Variants in GFAP observed in about 807,000 individuals in gnomAD.
GFAP encodes intermediate filament protein.
In GFAP, 38 loss-of-function variants were observed where a neutral mutation model predicts 49.3. The observed-to-expected ratio is 0.77, with a 90% CI of 0.60 to 1.01. The LOEUF (loss-of-function observed/expected upper bound fraction) is 1.01. GFAP is among the 50% of genes least tolerant of loss of function. The pLI is 0.00. For missense variants in GFAP, 463 were observed against 579.1 expected, an observed-to-expected ratio of 0.80 and a Z score of 2.06; for synonymous variants, 222 against 236.4, an observed-to-expected ratio of 0.94 and a Z score of 0.56.
rs774900945 is a variant in GFAP at position 44,904,953 on chromosome 17, G to A, written c.*2394C>T. On this transcript the variant is annotated 3_prime_UTR_variant, in exon 9 of 9. Coordinates refer to ENST00000588735, the MANE Select transcript of GFAP (RefSeq NM_002055.5). ...GCCTCGTTCTCAGATCCTGAGACTC[G>A]CTCGGCTGTGGAGCTCACCCTGATA... The A allele has an allele frequency of 5.2e-6, 8 of 1,550,496 alleles. No individual in the cohort carries two copies. The African/African-American group carries it at 5.5e-5, about 11-fold the overall frequency.
At chr17:44,911,822 GC>G (rs1259216706) in intron 4 of GFAP, 25 bp from the exon 5 acceptor site, 1 of 1,605,358 alleles carries the variant, frequency 6.2e-7, no homozygotes. Context: ...CATATGGGGG[GC>G]TGTGTGGGCC....
chr17:44,911,268 G>A lies in GFAP; in HGVS notation c.1095C>T (p.Thr365=). The change falls in exon 6 of 9, where the codon ACC becomes ACT. Residue 365 remains threonine, a synonymous_variant. Transcript: ENST00000588735. ...CCTCGCCCTCTAGCAGCTTCCTGTA[G>A]GTGGCGATCTCGATGTCCAGGGCCA... ...VKLALDIEIA[T]YRKLLEGEEN... is the part of the protein sequence containing the mutation. The A allele has an allele frequency of 6.2e-7, 1 of 1,614,202 alleles. No homozygotes were observed. Among genetic ancestry groups the A allele is most frequent in the Non-Finnish European group, 8.5e-7 (1 of 1,180,036 alleles).
In GFAP at chr17:44,903,600, C is replaced by A; in HGVS notation, c.*3747G>T. ...AAGGCCAGGTTCTAGAATGGCTTTC[C>A]CCCCCCACCCTGAGATCAGGTCTGG... On this transcript the variant is annotated 3_prime_UTR_variant, in exon 9 of 9. Transcript: ENST00000588735. 1 of 1,401,878 alleles carries A rather than the reference C, an allele frequency of 7.1e-7. No homozygotes were observed. Among genetic ancestry groups the A allele is most frequent in the Non-Finnish European group, 9.2e-7 (1 of 1,084,834 alleles). 86.8% of individuals were successfully genotyped at this position (1,401,878 alleles called of 1,614,324 possible).
rs1000769044 is a variant in GFAP at position 44,906,588 on chromosome 17, G to A, written c.*759C>T. The A allele has an allele frequency of 2.0e-5, 3 of 152,674 alleles. No homozygotes were observed. Among genetic ancestry groups the A allele is most frequent in the African/African-American group, 4.8e-5 (2 of 41,464 alleles). The allele number at this position is 152,674 out of a possible 1,614,324, so 9.5% of individuals were successfully genotyped here. On this transcript the variant is annotated 3_prime_UTR_variant, in exon 9 of 9. Coordinates refer to ENST00000588735, the MANE Select transcript of GFAP (RefSeq NM_002055.5). The stretch of plus-strand genomic sequence containing the variant: ...CCCTGGATGGCAGCTCAGGTGGACT[G>A]AGACACTTGAGTCATCGCTCAGGAG...
chr17:44,911,416 C>A lies in GFAP; in HGVS notation c.947G>T (p.Arg316Leu), dbSNP rs140004406. ...LERQMREQEE[R>L]HVREAASYQE... The stretch of plus-strand genomic sequence containing the variant: ...ATAACTGGCCGCCTCCCGCACGTGC[C>A]GCTCCTCCTGCTCGCGCATCTGCCT... The change falls in exon 6 of 9, where the codon CGG becomes CTG. Residue 316 changes from arginine (R) to leucine (L), a missense_variant. Physicochemically the swap from Arg to Leu is moderately radical, Grantham distance 102. Transcript: ENST00000588735. 1 of 1,612,434 alleles carries A rather than the reference C, an allele frequency of 6.2e-7. No individual in the cohort carries two copies. The highest frequency in any genetic ancestry group is 1.3e-5 in the African/African-American group (1 of 74,918).
In GFAP at chr17:44,904,200, T is replaced by A; in HGVS notation, c.*3147A>T. 1 of 1,550,606 alleles carries A rather than the reference T, an allele frequency of 6.4e-7. No individual in the cohort carries two copies. Reference sequence around the variant, plus strand: ...CAGTCTGAGGACTCAGGCCTGTACTTCTGCGGCACCCGCAAGGGGGACTAC... The same window carrying A: ...CAGTCTGAGGACTCAGGCCTGTACTACTGCGGCACCCGCAAGGGGGACTAC... On this transcript the variant is annotated 3_prime_UTR_variant, in exon 9 of 9. Coordinates refer to ENST00000588735, the MANE Select transcript of GFAP (RefSeq NM_002055.5).
intron 8 of GFAP, 179 bp from the exon 9 acceptor site, chr17:44,907,567 A>G: frequency 1.5e-6 from 1 of 678,668 alleles, no homozygotes; most frequent in East Asian, 2.7e-5. Flanking sequence ...TAACACTGGG[A>G]AAGCATTTAG....
At position 44,904,314 on chromosome 17, in the gene GFAP, A is replaced by T. The variant is rs1400247022; in HGVS notation, c.*3033T>A. 1 of 1,545,348 alleles carries T rather than the reference A, an allele frequency of 6.5e-7. No homozygotes were observed. The highest frequency in any genetic ancestry group is 8.7e-7 in the Non-Finnish European group (1 of 1,144,206). On this transcript the variant is annotated 3_prime_UTR_variant, in exon 9 of 9. Coordinates refer to ENST00000588735, the MANE Select transcript of GFAP (RefSeq NM_002055.5). ...GGCCAGGAGCCCTTTGCAGATGAAT[A>T]CTATGGGCACCTCCATGTCTTCACC...
At chr17:44,907,694 C>T in intron 8 of GFAP, 1 of 560,130 alleles carries the variant, frequency 1.8e-6, no homozygotes, top group Non-Finnish European at 3.2e-6. Flanking sequence ...TTCCTTTTAC[C>T]AAGCTGGAAA....
At chr17:44,912,118 T>G (rs55823143) in intron 4 of GFAP, among the ~76,000 whole-genome samples, 116 of 150,936 alleles carry the variant, frequency 7.7e-4, no homozygotes, top group African/African-American at 2.6e-3. Flanking sequence ...GTTTTTGTTT[T>G]TTTGTTTTTT....
At position 44,908,133 on chromosome 17, in the gene GFAP, G is replaced by T; in HGVS notation, c.1188C>A (p.Thr396=). The T allele has an allele frequency of 6.2e-7, 1 of 1,608,834 alleles. No homozygotes were observed. Among genetic ancestry groups the T allele is most frequent in the Non-Finnish European group, 8.5e-7 (1 of 1,175,414 alleles). ...TGAGGTGGCCTTCTGACACAGACTT[G>T]GTGTCCAGGCTGGTTTCTGCAGATG... The part of the protein sequence containing the change: ...NLQIRETSLD[T]KSVSEGHLKR... The change falls in exon 8 of 9, where the codon ACC becomes ACA. Residue 396 remains threonine, a synonymous_variant. Coordinates refer to ENST00000588735, the MANE Select transcript of GFAP (RefSeq NM_002055.5).
chr17:44,904,578 G>A lies in GFAP; in HGVS notation c.*2769C>T, dbSNP rs897996915. On this transcript the variant is annotated 3_prime_UTR_variant, in exon 9 of 9. Coordinates refer to ENST00000588735, the MANE Select transcript of GFAP (RefSeq NM_002055.5). The stretch of plus-strand genomic sequence containing the variant: ...CCCTGTGAGAAGACAAAGACCATCC[G>A]GGAGGGCGTGCTGGCCATCATTAAC... 58 of 1,550,440 alleles carry A rather than the reference G, an allele frequency of 3.7e-5. No individual in the cohort carries two copies. Among genetic ancestry groups the A allele is most frequent in the South Asian group, 2.4e-4 (20 of 84,064 alleles).
intron 4 of GFAP, among the ~76,000 whole-genome samples, chr17:44,912,127 T>G (rs536083342): frequency 1.7e-3 from 261 of 152,056 alleles, no homozygotes; most frequent in African/African-American, 5.3e-3. Context: ...TTTTTGTTTT[T>G]TTTGTTTTAT....
rs1166078943 is a variant in GFAP at position 44,914,037 on chromosome 17, G to A, written c.513C>T (p.Ala171=). The A allele has an allele frequency of 1.3e-6, 2 of 1,552,488 alleles. No homozygotes were observed. The highest frequency in any genetic ancestry group is 1.7e-6 in the Non-Finnish European group (2 of 1,144,594). The change falls in exon 2 of 9, where the codon GCC becomes GCT. Residue 171 remains alanine (A), a synonymous_variant. Transcript: ENST00000588735. ...CCTCCACCTCCCTGACCTGTCTATA[G>A]GCAGCCAGGTTGTTCTCGGCTTCCA... The part of the protein sequence containing the change: ...LRLEAENNLA[A]YRQEADEATL...
Position 44,913,456 on chromosome 17 carries a change from C to T in GFAP, c.619-26G>A, listed in dbSNP as rs750268655. The T allele has an allele frequency of 3.7e-6, 6 of 1,604,794 alleles. No homozygotes were observed. The South Asian group carries it at 5.5e-5, about 15-fold the overall frequency. ...CTGACCAGGGTGAGAGAAGCGGTAC[C>T]AGGGCTCAGGGTACAGGCCACAGCT... On this transcript the variant is annotated intron_variant, in intron 3 of 8. Transcript: ENST00000588735.
At chr17:44,914,201 A>G in intron 1 of GFAP, 113 bp from the exon 2 acceptor site, 2 of 737,936 alleles carry the variant, frequency 2.7e-6, no homozygotes, top group Non-Finnish European at 2.4e-6. Context: ...CAGGACCAGT[A>G]GAGCAGCAGG....
intron 4 of GFAP, among the ~76,000 whole-genome samples, chr17:44,912,041 C>T (rs992004795): frequency 6.6e-6 from 1 of 152,240 alleles, no homozygotes; most frequent in Non-Finnish European, 1.5e-5. Context: ...ACCTTCCACA[C>T]TGACAGCTGC....
At position 44,906,729 on chromosome 17, in the gene GFAP, A is replaced by C. The variant is rs2051657896; in HGVS notation, c.*618T>G. The C allele has an allele frequency of 5.9e-6, 1 of 169,622 alleles. No individual in the cohort carries two copies. Among genetic ancestry groups the C allele is most frequent in the Non-Finnish European group, 1.3e-5 (1 of 77,902 alleles). The allele number at this position is 169,622 out of a possible 1,614,324, so 10.5% of individuals were successfully genotyped here. ...CCTCTGAGCTGGGCATGGTGGCTCC[A>C]ATCTATAATCCCAGCTACACAGGAG... On this transcript the variant is annotated 3_prime_UTR_variant, in exon 9 of 9. Coordinates refer to ENST00000588735, the MANE Select transcript of GFAP (RefSeq NM_002055.5).
At chr17:44,910,728 G>GGC in intron 6 of GFAP, 70 bp from the exon 7 acceptor site, 1 of 1,550,284 alleles carries the variant, frequency 6.5e-7, no homozygotes. Context: ...CTTGGTGCGG[G>GGC]GCCATCATGA....
Sources: allele counts gnomAD v4.1 joint callset (sites outside exome capture counted in the v4.1 genomes callset), GRCh38; gene constraint gnomAD v4.1.1; transcripts MANE v1.5; gene names NCBI Gene and HGNC (gene_info 2026-07-23, HGNC 2026-07-21).